KANSL1: variants seen among roughly 807,000 people sequenced by gnomAD.
KANSL1 encodes the protein KAT8 regulatory NSL complex subunit 1, also known as MLL1/MLL complex subunit KANSL1.
Under a neutral mutation model 103.6 loss-of-function variants are expected in KANSL1, and 22 were observed. The observed-to-expected ratio is 0.21, with a 90% CI of 0.15 to 0.30. The LOEUF (loss-of-function observed/expected upper bound fraction) is 0.30, where lower values mean the gene tolerates loss of function less well. KANSL1 is among the 10% of genes least tolerant of loss of function. The probability of loss-of-function intolerance (pLI) is 1.00; values close to 1 mark genes in which losing one functional copy is unlikely to be tolerated. For missense variants in KANSL1, 1,337 were observed against 1,399.8 expected, an observed-to-expected ratio of 0.96 and a Z score of 0.72; for synonymous variants, 600 against 527.6, an observed-to-expected ratio of 1.14 and a Z score of -1.88.
intron 1 of KANSL1, among the ~76,000 whole-genome samples, chr17:46,175,610 A>G (rs931589238): frequency 6.6e-6 from 1 of 152,196 alleles, no homozygotes; most frequent in Non-Finnish European, 1.5e-5. Context: ...TCAGCATCCC[A>G]AAGTGCTAGG....
In KANSL1 at chr17:46,067,587, T is replaced by A. The variant is rs769766286; in HGVS notation, c.1614A>T (p.Ser538=). ...CATTGACAGGTCTGAGTGCTCCACA[T>A]GATTTGGTAGACAGTGACTCTGAAA... The part of the protein sequence containing the change: ...GHISESLSTK[S]CGALRPVNGV... The change falls in exon 5 of 15, where the codon TCA becomes TCT. Residue 538 remains serine (S), a synonymous_variant. Transcript: ENST00000432791. The A allele has an allele frequency of 6.2e-7, 1 of 1,608,746 alleles. No homozygotes were observed. The highest frequency in any genetic ancestry group is 2.2e-5 in the East Asian group (1 of 44,840).
chr17:46,160,102 T>A (rs1242271468), intron 2 of KANSL1, among the ~76,000 whole-genome samples: 3 of 152,216 alleles, frequency 2.0e-5, no homozygotes, highest in Non-Finnish European at 4.4e-5. Context: ...TTAACATATC[T>A]ATAGTCTTGG....
At chr17:46,092,403 C>T (rs62061789) in intron 3 of KANSL1, among the ~76,000 whole-genome samples, 21,629 of 151,872 alleles carry the variant, frequency 0.14, 2,094 homozygotes, top group Non-Finnish European at 0.22. Context: ...GCTAGTGAGA[C>T]TATAAACTGA....
chr17:46,160,754 C>G (rs1186951248), intron 2 of KANSL1, among the ~76,000 whole-genome samples: 1 of 147,436 alleles, frequency 6.8e-6, no homozygotes, highest in Non-Finnish European at 1.5e-5. Flanking sequence ...TGAATATAAA[C>G]ATAAATGCCA....
At chr17:46,113,235 T>A (rs1027511151) in intron 2 of KANSL1, among the ~76,000 whole-genome samples, 1 of 152,234 alleles carries the variant, frequency 6.6e-6, no homozygotes, top group East Asian at 1.9e-4. Flanking sequence ...CCTTGCTGTA[T>A]ATGAACCACT....
intron 2 of KANSL1, among the ~76,000 whole-genome samples, chr17:46,143,025 AG>A (rs1430199995): frequency 6.6e-6 from 1 of 152,266 alleles, no homozygotes; most frequent in African/African-American, 2.4e-5. Flanking sequence ...TCAATCCAAT[AG>A]ATTTCTAAAT....
At chr17:46,196,720 A>G, upstream of KANSL1, 1 of 261,470 alleles carries the variant, frequency 3.8e-6, no homozygotes, top group Non-Finnish European at 7.5e-6. Flanking sequence ...AAGTCAAAAA[A>G]CAATGATTGA....
chr17:46,052,253 AAG>A (rs1475410487), intron 6 of KANSL1, among the ~76,000 whole-genome samples: 1 of 152,216 alleles, frequency 6.6e-6, no homozygotes, highest in African/African-American at 2.4e-5. Context: ...AAAAAATAAA[AAG>A]AGAGAGACTA....
intron 2 of KANSL1, among the ~76,000 whole-genome samples, chr17:46,163,621 T>G (rs2045857027): frequency 6.6e-6 from 1 of 152,234 alleles, no homozygotes; most frequent in African/African-American, 2.4e-5. Flanking sequence ...TCATGAGCTC[T>G]TAAGATTATT....
chr17:46,062,254 T>C (rs1211214785), intron 6 of KANSL1, among the ~76,000 whole-genome samples: 1 of 151,902 alleles, frequency 6.6e-6, no homozygotes, highest in Admixed American at 6.6e-5. Context: ...TCCTATTTAT[T>C]TACTGATAGA....
chr17:46,116,632 A>T (rs1435060089), intron 2 of KANSL1, among the ~76,000 whole-genome samples: 4 of 152,244 alleles, frequency 2.6e-5, no homozygotes, highest in Non-Finnish European at 5.9e-5. Context: ...TAATAAGTCA[A>T]TTCATTATCA....
intron 2 of KANSL1, among the ~76,000 whole-genome samples, chr17:46,157,416 A>G (rs1284077770): frequency 1.3e-5 from 2 of 152,244 alleles, no homozygotes; most frequent in African/African-American, 4.8e-5. Context: ...TAAACCATGG[A>G]AGCTTAAATA....
At chr17:46,166,721 A>G (rs2046019633) in intron 2 of KANSL1, among the ~76,000 whole-genome samples, 1 of 152,224 alleles carries the variant, frequency 6.6e-6, no homozygotes, top group Non-Finnish European at 1.5e-5. Context: ...GGGAAACAAA[A>G]TGAAGCTATT....
chr17:46,199,005 A>T (rs2047706923), intron 1 of KANSL1, among the ~76,000 whole-genome samples: 1 of 152,248 alleles, frequency 6.6e-6, no homozygotes, highest in Admixed American at 6.5e-5. Flanking sequence ...TAAAAGAAAC[A>T]TCTTTAAGCT....
At chr17:46,196,228 A>G, upstream of KANSL1, 1 of 436,600 alleles carries the variant, frequency 2.3e-6, no homozygotes, top group Non-Finnish European at 4.6e-6. Context: ...ACAGAGCGAG[A>G]CCATCTCAAA....
At chr17:46,161,973 T>C (rs1428871734) in intron 2 of KANSL1, among the ~76,000 whole-genome samples, 2 of 152,264 alleles carry the variant, frequency 1.3e-5, no homozygotes, top group African/African-American at 2.4e-5. Flanking sequence ...CAATTTTGTC[T>C]ACCATGGTAC....
chr17:46,074,967 G>A (rs919956022), intron 4 of KANSL1, among the ~76,000 whole-genome samples: 1 of 151,866 alleles, frequency 6.6e-6, no homozygotes, highest in Non-Finnish European at 1.5e-5. Context: ...ATCTTCTGTG[G>A]CATTCCTGTA....
chr17:46,174,843 T>A (rs1046964269), intron 1 of KANSL1, among the ~76,000 whole-genome samples: 1 of 152,206 alleles, frequency 6.6e-6, no homozygotes, highest in South Asian at 2.1e-4. Context: ...CCGGCTAATT[T>A]TTTGAATTTT....
intron 7 of KANSL1, 110 bp downstream of exon 7, chr17:46,050,423 G>A: frequency 8.8e-7 from 1 of 1,139,932 alleles, no homozygotes; most frequent in Non-Finnish European, 1.2e-6. Context: ...GTTGACGAAA[G>A]TTGTACCTTG....
Sources: allele counts gnomAD v4.1 joint callset (sites outside exome capture counted in the v4.1 genomes callset), GRCh38; gene constraint gnomAD v4.1.1; transcripts MANE v1.5; gene names NCBI Gene and HGNC (gene_info 2026-07-23, HGNC 2026-07-21).